The following RALYL variants were observed in gnomAD, a reference collection of about 807,000 sequenced individuals.
The protein encoded by RALYL is RALY RNA binding protein like, also known as RNA-binding Raly-like protein.
In RALYL, 29 loss-of-function variants were observed where a neutral mutation model predicts 35.1. That is an observed-to-expected ratio of 0.83 (90% CI 0.61 to 1.13). The LOEUF (loss-of-function observed/expected upper bound fraction) is 1.13. RALYL is among the 50% of genes most tolerant of loss of function. The probability of loss-of-function intolerance (pLI) is 0.00; values close to 1 mark genes in which losing one functional copy is unlikely to be tolerated. For missense variants in RALYL, 359 were observed against 360.4 expected, an observed-to-expected ratio of 1.00 and a Z score of 0.03; for synonymous variants, 120 against 127.6, an observed-to-expected ratio of 0.94 and a Z score of 0.40.
In RALYL at chr8:84,217,909, T is replaced by C. The variant is rs962789668; in HGVS notation, c.-24+33485T>C. Among the ~76,000 whole-genome samples the C allele has an allele frequency of 2.6e-5, 4 of 152,136 alleles. No individual in the cohort carries two copies. In the South Asian group the frequency reaches 8.3e-4, roughly 31 times the overall value. ...TAAGATGTTTTCTTTTTTAAAAACA[T>C]ACATGTGAAATGGCTATTATCAAGC... On this transcript the variant is annotated intron_variant, in intron 1 of 8. Coordinates refer to ENST00000521268, the MANE Select transcript of RALYL (RefSeq NM_173848.7).
chr8:84,256,787 TA>T (rs1430398409), intron 1 of RALYL, among the ~76,000 whole-genome samples: 4 of 152,102 alleles, frequency 2.6e-5, no homozygotes, highest in Non-Finnish European at 4.4e-5. Flanking sequence ...GCTCACTTTC[TA>T]AATTAGGAAA....
intron 8 of RALYL, among the ~76,000 whole-genome samples, chr8:84,910,443 C>T (rs1225919971): frequency 1.3e-5 from 2 of 151,968 alleles, no homozygotes; most frequent in African/African-American, 4.8e-5. Flanking sequence ...GTCACATAAA[C>T]ATTTCATAAT....
chr8:84,513,672 G>A (rs1037488035), intron 1 of RALYL, among the ~76,000 whole-genome samples: 8 of 152,030 alleles, frequency 5.3e-5, no homozygotes, highest in Middle Eastern at 3.2e-3. Flanking sequence ...TTAATTAGAT[G>A]CATATTCTAT....
At chr8:84,500,168 G>A (rs1396382632) in intron 1 of RALYL, among the ~76,000 whole-genome samples, 1 of 152,118 alleles carries the variant, frequency 6.6e-6, no homozygotes, top group East Asian at 1.9e-4. Context: ...GAAATATGAT[G>A]ATTTAAAAAC....
intron 1 of RALYL, among the ~76,000 whole-genome samples, chr8:84,424,016 C>G (rs2046019913): frequency 6.6e-6 from 1 of 151,862 alleles, no homozygotes; most frequent in Non-Finnish European, 1.5e-5. Flanking sequence ...GTGAATCTGA[C>G]AATTATGTGT....
At chr8:84,770,333 A>G (rs1285538409) in intron 2 of RALYL, among the ~76,000 whole-genome samples, 2 of 151,314 alleles carry the variant, frequency 1.3e-5, no homozygotes, top group Non-Finnish European at 3.0e-5. Flanking sequence ...ACTTAGAATA[A>G]CAGCCTCCAG....
intron 4 of RALYL, among the ~76,000 whole-genome samples, chr8:84,849,564 T>TA (rs924202515): frequency 4.9e-4 from 74 of 150,662 alleles, no homozygotes; most frequent in African/African-American, 1.8e-3. Flanking sequence ...TGTTTTTGTT[T>TA]TTTTTTTTTT....
At chr8:84,840,429 A>T (rs1309786367) in intron 4 of RALYL, among the ~76,000 whole-genome samples, 2 of 152,150 alleles carry the variant, frequency 1.3e-5, no homozygotes, top group Admixed American at 1.3e-4. Flanking sequence ...AAAAAGAAAA[A>T]AGAAATGAAC....
chr8:84,469,153 A>C (rs948103765), intron 1 of RALYL, among the ~76,000 whole-genome samples: 1 of 152,118 alleles, frequency 6.6e-6, no homozygotes, highest in Non-Finnish European at 1.5e-5. Flanking sequence ...CTCGTCAGTC[A>C]TTCTCCATCC....
In RALYL at chr8:84,862,340, T is replaced by C. The variant is rs1586827846; in HGVS notation, c.458T>C (p.Val153Ala). The C allele has an allele frequency of 6.2e-7, 1 of 1,602,500 alleles. No individual in the cohort carries two copies. Among genetic ancestry groups the C allele is most frequent in the Non-Finnish European group, 8.5e-7 (1 of 1,174,992 alleles). The stretch of plus-strand genomic sequence containing the variant: ...CGTGTGCCTCCACCTCCCCGTGCAG[T>C]AATTCCGCTGAAGCGTCCCAGAGTG... ...HGRVPPPPRAVIPLKRPRVAV... is the reference protein window; with the variant it reads ...HGRVPPPPRAAIPLKRPRVAV... Residue 153 changes from valine (V) to alanine (A), a missense_variant, in exon 6 of 9, where the codon GTA becomes GCA. Transcript: ENST00000521268.
chr8:84,321,966 GA>G (rs1844925773), intron 1 of RALYL, among the ~76,000 whole-genome samples: 1 of 151,952 alleles, frequency 6.6e-6, no homozygotes, highest in Admixed American at 6.6e-5. Flanking sequence ...AATTCTCCAA[GA>G]AGACCCAAAA....
chr8:84,731,275 T>G (rs1379001160), intron 2 of RALYL, among the ~76,000 whole-genome samples: 1 of 152,116 alleles, frequency 6.6e-6, no homozygotes, highest in Admixed American at 6.6e-5. Context: ...AAAACTCATG[T>G]TCATTTGGCC....
At chr8:84,880,668 T>G (rs1842028300) in intron 7 of RALYL, among the ~76,000 whole-genome samples, 1 of 152,008 alleles carries the variant, frequency 6.6e-6, no homozygotes, top group Non-Finnish European at 1.5e-5. Context: ...GAGGTACAGT[T>G]TACATAGAAT....
At chr8:84,645,540 G>T (rs1210499256) in intron 2 of RALYL, among the ~76,000 whole-genome samples, 3 of 151,666 alleles carry the variant, frequency 2.0e-5, no homozygotes, top group African/African-American at 4.8e-5. Flanking sequence ...TCTTTTTTAA[G>T]TTTTATTTTT....
intron 2 of RALYL, among the ~76,000 whole-genome samples, chr8:84,538,997 A>G (rs1487739329): frequency 6.6e-6 from 1 of 152,228 alleles, no homozygotes; most frequent in Non-Finnish European, 1.5e-5. Flanking sequence ...GAGTATAATC[A>G]TGAAGAAAAT....
chr8:84,477,893 G>A (rs984521883), intron 1 of RALYL, among the ~76,000 whole-genome samples: 6 of 151,880 alleles, frequency 4.0e-5, no homozygotes, highest in Non-Finnish European at 7.4e-5. Flanking sequence ...ATCAAACCAT[G>A]CAAGTGTAAG....
At chr8:84,311,827 T>C (rs1842875391) in intron 1 of RALYL, among the ~76,000 whole-genome samples, 1 of 151,888 alleles carries the variant, frequency 6.6e-6, no homozygotes, top group Non-Finnish European at 1.5e-5. Flanking sequence ...AGAAAAAGAG[T>C]CAGAGCAACA....
intron 1 of RALYL, among the ~76,000 whole-genome samples, chr8:84,377,317 A>G (rs1361313119): frequency 6.6e-6 from 1 of 151,692 alleles, no homozygotes; most frequent in African/African-American, 2.4e-5. Flanking sequence ...CCCTCAAAAT[A>G]TCATGTGGGC....
intron 1 of RALYL, among the ~76,000 whole-genome samples, chr8:84,219,316 T>C (rs932832760): frequency 1.3e-5 from 2 of 152,030 alleles, no homozygotes; most frequent in Non-Finnish European, 2.9e-5. Flanking sequence ...TTCATTCTCC[T>C]TCCTCCCTCC....
Sources: gnomAD v4.1 joint callset for allele counts (sites outside exome capture counted in the v4.1 genomes callset) on GRCh38, gnomAD v4.1.1 for gene constraint, MANE v1.5 for transcripts, NCBI Gene and HGNC (gene_info 2026-07-23, HGNC 2026-07-21) for gene names.